Variants in CEP290 observed in about 807,000 individuals in gnomAD.
CEP290 encodes centrosomal protein 290.
Under a neutral mutation model 344.9 loss-of-function variants are expected in CEP290, and 317 were observed. That is an observed-to-expected ratio of 0.92 (90% confidence interval 0.84 to 1.01). The LOEUF is 1.01. Ranked by LOEUF, CEP290 falls within the 50% of genes least tolerant of loss-of-function variation. The pLI, the probability that CEP290 is intolerant of heterozygous loss-of-function variation, is 0.00. For missense variants in CEP290, 2,754 were observed against 2,761.4 expected (o/e 1.00, Z 0.06); for synonymous variants, 932 against 895.8 (o/e 1.04, Z -0.72).
intron 13 of CEP290, among the ~76,000 whole-genome samples, chr12:88,124,849 C>A (rs899404389): frequency 6.6e-6 from 1 of 152,004 alleles, no homozygotes; most frequent in African/African-American, 2.4e-5. Context: ...TATGATGAAA[C>A]ATTAATTTGG....
Position 88,114,521 on chromosome 12 carries a change from T to A in CEP290, c.1951A>T (p.Met651Leu). The change falls in exon 20 of 54, where the codon ATG becomes TTG. Residue 651 changes from methionine (M) to leucine (L), a missense_variant. Physicochemically the swap from Met to Leu is conservative, Grantham distance 15. Transcript: ENST00000552810. ...VEENKQLEEG[M>L]KEILQAIKEM... ...TTAATTGCTTGCAATATTTCTTTCA[T>A]ACCTTCTTCAAGTTGCTTATTTTCT... 6.5e-7 allele frequency: 1 copy of A among 1,542,100 alleles called. No homozygotes were observed. Among genetic ancestry groups the A allele is most frequent in the Admixed American group, 2.0e-5 (1 of 48,938 alleles).
chr12:88,137,245 T>C (rs1298996931), intron 5 of CEP290, among the ~76,000 whole-genome samples: 3 of 152,174 alleles, frequency 2.0e-5, no homozygotes, highest in Non-Finnish European at 4.4e-5. Flanking sequence ...GTCAGTGCTG[T>C]CCAGTTCAAT....
At chr12:88,076,109 C>T (rs1178716562) in intron 41 of CEP290, among the ~76,000 whole-genome samples, 3 of 152,026 alleles carry the variant, frequency 2.0e-5, no homozygotes, top group African/African-American at 7.2e-5. Context: ...CTAACCTATC[C>T]CCATTTAGGG....
At position 88,092,834 on chromosome 12, in the gene CEP290, T is replaced by C. The variant is rs2137345150; in HGVS notation, c.3310-2A>G. Reference sequence around the variant, plus strand: ...TGCATCCAAATTGATTTTGGTAAGCTAAGGAAATGTAACAAAAAATGTTCA... The same window carrying C: ...TGCATCCAAATTGATTTTGGTAAGCCAAGGAAATGTAACAAAAAATGTTCA... On this transcript the variant is annotated splice_acceptor_variant, in intron 28 of 53. Coordinates refer to ENST00000552810, the MANE Select transcript of CEP290 (RefSeq NM_025114.4). LOFTEE classifies it high-confidence loss of function. The C allele has an allele frequency of 1.2e-6, 2 of 1,608,088 alleles. No homozygotes were observed. The highest frequency in any genetic ancestry group is 2.2e-5 in the South Asian group (2 of 89,210).
At chr12:88,050,327 C>T (rs753595603) in intron 53 of CEP290, 27 bp downstream of exon 53, 17 of 1,174,236 alleles carry the variant, frequency 1.4e-5, no homozygotes, top group Middle Eastern at 2.6e-4. Context: ...TTTCACAAAA[C>T]GATACTAAAA....
Position 88,122,029 on chromosome 12 carries a change from C to T in CEP290, c.1190-863G>A, listed in dbSNP as rs190492735. 4.6e-4 allele frequency among the ~76,000 whole-genome samples: 70 copies of T among 152,186 alleles called. No individual in the cohort carries two copies. The East Asian group carries it at 7.9e-3, about 17-fold the overall frequency. ...AATTGATTGACAGATCATTCTCACA[C>T]TCATTCATTATAAGCATTTACTAAT... On this transcript the variant is annotated intron_variant, in intron 13 of 53. Coordinates refer to ENST00000552810, the MANE Select transcript of CEP290 (RefSeq NM_025114.4).
intron 40 of CEP290, among the ~76,000 whole-genome samples, 175 bp from the exon 41 acceptor site, chr12:88,077,519 C>T (rs1234208993): frequency 6.6e-6 from 1 of 151,832 alleles, no homozygotes; most frequent in Non-Finnish European, 1.5e-5. Context: ...ATACAACATA[C>T]TAATATGCTA....
chr12:88,116,923 G>A (rs1157483160), intron 18 of CEP290, 110 bp downstream of exon 18: 10 of 538,226 alleles, frequency 1.9e-5, no homozygotes, highest in Admixed American at 7.6e-5. Context: ...GCAGTGAGCC[G>A]AGATCGCGCC....
chr12:88,139,065 C>T (rs1013712410), intron 5 of CEP290, 80 bp downstream of exon 5: 2 of 751,268 alleles, frequency 2.7e-6, no homozygotes, highest in Admixed American at 5.1e-5. Context: ...TTTTTCCAGC[C>T]AACAATAATT....
chr12:88,109,301 T>C, intron 22 of CEP290, 120 bp from the exon 23 acceptor site: 1 of 496,794 alleles, frequency 2.0e-6, no homozygotes, highest in Non-Finnish European at 3.6e-6. Context: ...ACCAAATCTG[T>C]AAGCAACACA....
chr12:88,105,084 C>T (rs1481208899), intron 25 of CEP290, among the ~76,000 whole-genome samples: 1 of 152,248 alleles, frequency 6.6e-6, no homozygotes, highest in Non-Finnish European at 1.5e-5. Flanking sequence ...ATCTAAATGC[C>T]TTCCCCACTA....
At chr12:88,116,996 A>G in intron 18 of CEP290, 37 bp downstream of exon 18, 2 of 873,756 alleles carry the variant, frequency 2.3e-6, no homozygotes, top group South Asian at 1.8e-5. Flanking sequence ...AAAAAAAAAT[A>G]TTTTCCTTTA....
intron 38 of CEP290, 41 bp downstream of exon 38, chr12:88,080,141 A>G: frequency 7.6e-7 from 1 of 1,312,444 alleles, no homozygotes; most frequent in Non-Finnish European, 1.1e-6. Flanking sequence ...AATCTACCAC[A>G]TATTTTTCCT....
At position 88,071,821 on chromosome 12, in the gene CEP290, A is replaced by G. The variant is rs766842098; in HGVS notation, c.5815T>C (p.Leu1939=). 6.2e-7 allele frequency: 1 copy of G among 1,602,824 alleles called. No individual in the cohort carries two copies. The highest frequency in any genetic ancestry group is 1.7e-5 in the Admixed American group (1 of 57,714). ...LKEKEGEVFT[L]TKQLNTLKDL... The stretch of plus-strand genomic sequence containing the variant: ...TTCAAAGTATTCAACTGCTTTGTTA[A>G]AGTAAAGACTTCCCCCTCTTTCTCT... Residue 1939 remains leucine (L), a synonymous_variant, in exon 42 of 54, where the codon TTA becomes CTA. Coordinates refer to ENST00000552810, the MANE Select transcript of CEP290 (RefSeq NM_025114.4).
intron 22 of CEP290, among the ~76,000 whole-genome samples, chr12:88,110,553 A>AC (rs1165127099): frequency 3.9e-5 from 6 of 152,038 alleles, no homozygotes; most frequent in Admixed American, 3.9e-4. Flanking sequence ...TCTACTAAAA[A>AC]AAAATACAAA....
intron 34 of CEP290, 76 bp from the exon 35 acceptor site, chr12:88,084,928 G>T: frequency 8.6e-7 from 1 of 1,165,904 alleles, no homozygotes; most frequent in Non-Finnish European, 1.2e-6. Flanking sequence ...TTTTAGATTA[G>T]TTATTAGCCA....
rs537270767 is a variant in CEP290, at chr12:88,118,044, TTAA to T, written c.1711+436_1711+438del. Among the ~76,000 whole-genome samples the T allele has an allele frequency of 4.3e-4, 64 of 150,092 alleles. 1 individual carries two copies. Among genetic ancestry groups the T allele is most frequent in the Middle Eastern group, 7.0e-3 (2 of 286 alleles). On this transcript the variant is annotated intron_variant, in intron 17 of 53. Coordinates refer to ENST00000552810, the MANE Select transcript of CEP290 (RefSeq NM_025114.4). ...AACAAGACAGACTCCATCTCAAATA[TTAA>T]TAATAATAATAATAATAATAACTTA...
Position 88,092,947 on chromosome 12 carries a change from T to C in CEP290, c.3310-115A>G, listed in dbSNP as rs761131197. The C allele has an allele frequency of 1.5e-4, 135 of 928,440 alleles. No individual in the cohort carries two copies. The highest frequency in any genetic ancestry group is 8.8e-4 in the Middle Eastern group (4 of 4,534). 57.5% of individuals were successfully genotyped at this position (928,440 alleles called of 1,614,324 possible). On this transcript the variant is annotated intron_variant, in intron 28 of 53. Transcript: ENST00000552810. ...TTACTTGGCCTTAGTTCACATATTA[T>C]ATTAAGTGTGAAGTGTTAAGAACAG... is the stretch of plus-strand genomic sequence containing the variant.
chr12:88,083,470 G>A (rs2036341773), intron 36 of CEP290, among the ~76,000 whole-genome samples: 1 of 152,054 alleles, frequency 6.6e-6, no homozygotes, highest in African/African-American at 2.4e-5. Flanking sequence ...GAATTAACGA[G>A]GTAATGCTCA....
Sources: gnomAD v4.1 joint callset for allele counts (sites outside exome capture counted in the v4.1 genomes callset) on GRCh38, gnomAD v4.1.1 for gene constraint, MANE v1.5 for transcripts, NCBI Gene and HGNC (gene_info 2026-07-23, HGNC 2026-07-21) for gene names.